DPP6: variants seen among roughly 807,000 people sequenced by gnomAD.
DPP6 encodes dipeptidyl peptidase like 6.
DPP6 carries 69 observed loss-of-function variants against 122.6 expected under a neutral mutation model. The observed-to-expected ratio is 0.56, with a 90% CI of 0.46 to 0.69. The LOEUF (loss-of-function observed/expected upper bound fraction) is 0.69, where lower values mean the gene tolerates loss of function less well. Among genes scored for constraint, DPP6 ranks in the 30% least tolerant of loss-of-function variants. DPP6 has a pLI of 0.00. For synonymous variants in DPP6, 418 were observed against 433.1 expected (o/e 0.97, Z 0.43); for missense variants, 928 against 1,116.9 (o/e 0.83, Z 2.41).
At chr7:153,942,962 G>T (rs1427348213) in intron 1 of DPP6, among the ~76,000 whole-genome samples, 1 of 152,150 alleles carries the variant, frequency 6.6e-6, no homozygotes, top group Non-Finnish European at 1.5e-5. Flanking sequence ...CTGATGCATG[G>T]TTGACCTGAT....
chr7:154,651,740 G>A (rs545534038), intron 6 of DPP6, among the ~76,000 whole-genome samples: 7 of 152,266 alleles, frequency 4.6e-5, no homozygotes, highest in East Asian at 1.9e-4. Context: ...ATGGGCAGCC[G>A]AAAGGGAAAG....
At chr7:153,791,187 A>T in the DPP6 span, among the ~76,000 whole-genome samples, 5 of 152,138 alleles carry the variant, frequency 3.3e-5, no homozygotes, top group Non-Finnish European at 7.3e-5. Context: ...AACGTAGTAT[A>T]CTAATTAGAA....
At chr7:154,327,865 C>G (rs1223326935) in intron 1 of DPP6, among the ~76,000 whole-genome samples, 3 of 152,158 alleles carry the variant, frequency 2.0e-5, no homozygotes, top group Non-Finnish European at 2.9e-5. Context: ...TGATCATTTG[C>G]AAAGAAATCT....
At chr7:154,601,974 C>A (rs1176146029) in intron 5 of DPP6, among the ~76,000 whole-genome samples, 2 of 121,102 alleles carry the variant, frequency 1.7e-5, no homozygotes, top group Non-Finnish European at 3.7e-5. Flanking sequence ...CTACCATTTG[C>A]TATTAGGTTG....
intron 1 of DPP6, among the ~76,000 whole-genome samples, chr7:154,338,802 A>G (rs1004722266): frequency 6.6e-6 from 1 of 152,212 alleles, no homozygotes; most frequent in African/African-American, 2.4e-5. Flanking sequence ...TCAGTCATTT[A>G]GCACCTCTCT....
chr7:153,914,867 T>C (rs1287766959), intron 1 of DPP6, among the ~76,000 whole-genome samples: 1 of 152,206 alleles, frequency 6.6e-6, no homozygotes, highest in Non-Finnish European at 1.5e-5. Flanking sequence ...AGATGATTTT[T>C]GTCTATGCTG....
intron 1 of DPP6, among the ~76,000 whole-genome samples, chr7:154,126,661 T>G (rs969359205): frequency 1.1e-4 from 16 of 151,428 alleles, no homozygotes; most frequent in African/African-American, 3.9e-4. Context: ...CACCTTCCTT[T>G]GCTGCATGCT....
At chr7:154,150,999 G>T (rs1405699704) in intron 1 of DPP6, among the ~76,000 whole-genome samples, 1 of 152,176 alleles carries the variant, frequency 6.6e-6, no homozygotes, top group African/African-American at 2.4e-5. Flanking sequence ...CCGTGATCTT[G>T]TCTGCAATGG....
At chr7:154,004,985 G>A (rs986052796) in intron 1 of DPP6, among the ~76,000 whole-genome samples, 1 of 151,998 alleles carries the variant, frequency 6.6e-6, no homozygotes, top group African/African-American at 2.4e-5. Context: ...AGATGCCATT[G>A]CCTTCTGTCT....
At chr7:154,010,003 A>G (rs1315279602) in intron 1 of DPP6, among the ~76,000 whole-genome samples, 1 of 152,248 alleles carries the variant, frequency 6.6e-6, no homozygotes, top group Non-Finnish European at 1.5e-5. Context: ...GATACAGCTG[A>G]GACTAGTTGC....
chr7:153,873,542 CT>C, the DPP6 span, among the ~76,000 whole-genome samples: 1 of 152,082 alleles, frequency 6.6e-6, no homozygotes, highest in Non-Finnish European at 1.5e-5. Context: ...AACTTTGCAA[CT>C]TTGGCAAATA....
At chr7:153,850,428 A>G in the DPP6 span, among the ~76,000 whole-genome samples, 3 of 152,180 alleles carry the variant, frequency 2.0e-5, no homozygotes, top group Admixed American at 1.3e-4. Context: ...GAGCGAGTCT[A>G]CTGCCAAGAC....
the DPP6 span, among the ~76,000 whole-genome samples, chr7:153,847,636 T>C: frequency 1.1e-4 from 17 of 152,302 alleles, 1 homozygote; most frequent in Admixed American, 9.8e-4. Context: ...AGGCTGTAAG[T>C]ATGGACCTTA....
intron 1 of DPP6, among the ~76,000 whole-genome samples, chr7:154,307,278 T>G (rs1257328988): frequency 6.6e-6 from 1 of 152,180 alleles, no homozygotes; most frequent in Non-Finnish European, 1.5e-5. Context: ...TTTTATACCT[T>G]TTTGTCATTG....
intron 1 of DPP6, among the ~76,000 whole-genome samples, chr7:154,113,748 T>C (rs978624522): frequency 2.0e-5 from 3 of 152,242 alleles, no homozygotes; most frequent in African/African-American, 7.2e-5. Context: ...TAATACATTT[T>C]GAGTCGTTTT....
chr7:154,853,687 C>A (rs1416108993), intron 16 of DPP6, 93 bp from the exon 17 acceptor site: 2 of 1,536,022 alleles, frequency 1.3e-6, no homozygotes, highest in Non-Finnish European at 8.8e-7. Context: ...GCACGTCTAT[C>A]TACGTGGCAT....
intron 17 of DPP6, among the ~76,000 whole-genome samples, chr7:154,855,544 G>A (rs1802762198): frequency 6.6e-6 from 1 of 152,170 alleles, no homozygotes; most frequent in Admixed American, 6.5e-5. Flanking sequence ...CAATGGGGGC[G>A]GTATCCCCGG....
intron 1 of DPP6, among the ~76,000 whole-genome samples, chr7:154,308,293 T>G (rs548656290): frequency 1.0e-4 from 14 of 134,706 alleles, no homozygotes; most frequent in African/African-American, 4.0e-4. Flanking sequence ...GAGATTGTTG[T>G]TTTTTTTCTA....
chr7:154,638,300 A>G (rs1474231002), intron 6 of DPP6, among the ~76,000 whole-genome samples: 1 of 152,234 alleles, frequency 6.6e-6, no homozygotes, highest in Non-Finnish European at 1.5e-5. Flanking sequence ...ACATGTCATC[A>G]GAGACAAATC....
Sources: gnomAD v4.1 joint callset for allele counts (sites outside exome capture counted in the v4.1 genomes callset) on GRCh38, gnomAD v4.1.1 for gene constraint, MANE v1.5 for transcripts, NCBI Gene and HGNC (gene_info 2026-07-23, HGNC 2026-07-21) for gene names.